The following BPIFB4 variants were observed in gnomAD, a reference collection of about 807,000 sequenced individuals.
BPIFB4 encodes BPI fold-containing family B member 4.
Under a neutral mutation model 69.2 loss-of-function variants are expected in BPIFB4, and 62 were observed. The observed-to-expected ratio is 0.90, with a 90% CI of 0.73 to 1.11. The LOEUF (loss-of-function observed/expected upper bound fraction) is 1.11, where lower values mean the gene tolerates loss of function less well. Among genes scored for constraint, BPIFB4 ranks in the 50% least tolerant of loss-of-function variants. The pLI is 0.00. For synonymous variants in BPIFB4, 330 were observed against 332.7 expected (o/e 0.99, Z 0.09); for missense variants, 789 against 792.0 (o/e 1.00, Z 0.04).
At position 33,095,134 on chromosome 20, in the gene BPIFB4, TG is replaced by T; in HGVS notation, c.1382del (p.Gly461GlufsTer3). On this transcript the variant is annotated frameshift_variant, in exon 12 of 18. Coordinates refer to ENST00000375483, the MANE Select transcript of BPIFB4 (RefSeq NM_182519.3). LOFTEE classifies it high-confidence loss of function. ...CTTCCTCCACTTACCACAGCCACAC[TG>T]GGAGCCCTGATCCCCAAGGTATGTA... ...EELPPLTTAT[L>X]GALIPKVFQQ... The T allele has an allele frequency of 6.2e-7, 1 of 1,612,716 alleles. No individual in the cohort carries two copies. Among genetic ancestry groups the T allele is most frequent in the Non-Finnish European group, 8.5e-7 (1 of 1,178,676 alleles).
chr20:33,083,719 T>C lies in BPIFB4; in HGVS notation c.522T>C (p.Thr174=), dbSNP rs1279647931. ...GAVGPGGLLG[T]GGMLAADGIL... is the part of the protein sequence containing the mutation. ...TGGGCCCAGGTGGTTTGCTGGGCAC[T>C]GGAGGCATGCTGGCAGCTGATGGCA... Residue 174 remains threonine, a synonymous_variant, in exon 5 of 18, where the codon ACT becomes ACC. Transcript: ENST00000375483. 1.2e-6 allele frequency: 2 copies of C among 1,613,990 alleles called. No homozygotes were observed.
At chr20:33,094,145 T>C (rs1981691576) in intron 11 of BPIFB4, among the ~76,000 whole-genome samples, 1 of 152,270 alleles carries the variant, frequency 6.6e-6, no homozygotes. Flanking sequence ...TGTCCGTATA[T>C]AGTTAGCCCT....
intron 13 of BPIFB4, 123 bp downstream of exon 13, chr20:33,097,910 T>G (rs1568586752): frequency 3.6e-6 from 4 of 1,103,634 alleles, no homozygotes; most frequent in Non-Finnish European, 5.1e-6. Context: ...TGGGCCCAAC[T>G]TTGGGGCCAG....
intron 10 of BPIFB4, among the ~76,000 whole-genome samples, chr20:33,092,209 C>T (rs1305102781): frequency 6.6e-6 from 1 of 152,152 alleles, no homozygotes; most frequent in Non-Finnish European, 1.5e-5. Context: ...CACTGCAGGG[C>T]TGAGTTTGGA....
At position 33,084,829 on chromosome 20, in the gene BPIFB4, C is replaced by T. The variant is rs1467382601; in HGVS notation, c.678-63C>T. ...CAGAGAAAGGGGGTGTAGGGGAGGG[C>T]GCTCGGGTGAGTGGGTGGTAGTTGG... On this transcript the variant is annotated intron_variant, in intron 5 of 17. Coordinates refer to ENST00000375483, the MANE Select transcript of BPIFB4 (RefSeq NM_182519.3). 1.6e-5 allele frequency: 25 copies of T among 1,558,386 alleles called. No homozygotes were observed. In the South Asian group the frequency reaches 1.6e-4, roughly 10 times the overall value.
intron 7 of BPIFB4, among the ~76,000 whole-genome samples, chr20:33,087,610 CA>C (rs969150298): frequency 1.3e-5 from 2 of 152,070 alleles, no homozygotes; most frequent in Non-Finnish European, 2.9e-5. Flanking sequence ...TAACCTTTTA[CA>C]TATGTCATTT....
At chr20:33,100,665 G>C (rs1178830167) in intron 14 of BPIFB4, among the ~76,000 whole-genome samples, 172 bp downstream of exon 14, 2 of 152,212 alleles carry the variant, frequency 1.3e-5, no homozygotes, top group African/African-American at 4.8e-5. Flanking sequence ...AGCCAGGCAA[G>C]GTGGGTGAAG....
At position 33,111,644 on chromosome 20, in the gene BPIFB4, GCCTGCCAGGA is replaced by G; in HGVS notation, c.*208_*217del. On this transcript the variant is annotated 3_prime_UTR_variant, in exon 18 of 18. Transcript: ENST00000375483. ...TGGCAAACATTCCCTTCCATGGTCA[GCCTGCCAGGA>G]GGAGGGGAGTCACCTTGGGGCTGGA... 3.3e-6 allele frequency: 2 copies of G among 615,124 alleles called. No individual in the cohort carries two copies. Among genetic ancestry groups the G allele is most frequent in the Non-Finnish European group, 5.6e-6 (2 of 355,608 alleles). The allele number at this position is 615,124 out of a possible 1,614,324, so 38.1% of individuals were successfully genotyped here. A position where few individuals can be genotyped will look rare whatever the true frequency, so the allele number is the denominator to read the frequency against.
chr20:33,105,414 G>T (rs1002507312), intron 16 of BPIFB4, among the ~76,000 whole-genome samples: 10 of 152,110 alleles, frequency 6.6e-5, no homozygotes, highest in South Asian at 6.2e-4. Flanking sequence ...CCCAGAATCT[G>T]CCCCCCTAGG....
rs746800290 is a variant in BPIFB4, at chr20:33,102,951, G to A, written c.1638-21G>A. The A allele has an allele frequency of 8.1e-6, 13 of 1,613,524 alleles. No individual in the cohort carries two copies. The South Asian group carries it at 1.2e-4, about 15-fold the overall frequency. ...TTTCAGGCAATCCCTGCTTCTCACA[G>A]GCTGTTTTCTTCGTCTACAGGACCA... On this transcript the variant is annotated intron_variant, in intron 14 of 17. Coordinates refer to ENST00000375483, the MANE Select transcript of BPIFB4 (RefSeq NM_182519.3).
intron 7 of BPIFB4, 137 bp downstream of exon 7, chr20:33,086,301 T>C (rs1981428549): frequency 4.3e-6 from 5 of 1,173,152 alleles, no homozygotes; most frequent in South Asian, 3.2e-5. Context: ...TGAGTACTCA[T>C]GCTGAGCCAG....
chr20:33,086,117 G>C lies in BPIFB4; in HGVS notation c.879G>C (p.Glu293Asp). 6.2e-7 allele frequency: 1 copy of C among 1,613,462 alleles called. No homozygotes were observed. Among genetic ancestry groups the C allele is most frequent in the South Asian group, 1.1e-5 (1 of 91,072 alleles). The change falls in exon 7 of 18, where the codon GAG (glutamate) becomes GAC (aspartate). Residue 293 changes from glutamate to aspartate, a missense_variant. Transcript: ENST00000375483. ...DRTGYPRLVIERCDTLLGGIK... is the reference protein window; with the variant it reads ...DRTGYPRLVIDRCDTLLGGIK... ...CGGGTTATCCTCGGCTGGTCATTGA[G>C]CGATGTGACACCCTCCTAGGGGGCA...
In BPIFB4 at chr20:33,097,633, C is replaced by T. The variant is rs141475298; in HGVS notation, c.1415C>T (p.Pro472Leu). 1.4e-4 allele frequency: 219 copies of T among 1,614,072 alleles called. 1 individual carries two copies. The African/African-American group carries it at 2.5e-3, about 18-fold the overall frequency. Residue 472 changes from proline to leucine, a missense_variant, in exon 13 of 18, where the codon CCC (proline) becomes CTC (leucine). By Grantham distance (98) the Pro-to-Leu change is moderately conservative. This residue lies in a region of BPIFB4 where 170 missense variants were observed against 193.6 expected (regional missense o/e 0.88). Coordinates refer to ENST00000375483, the MANE Select transcript of BPIFB4 (RefSeq NM_182519.3). ...TGCCCACAGGTGTTCCAGCAGTACC[C>T]CGAGTCCTGCCCACTTATCATCAGG... ...ALIPKVFQQY[P>L]ESCPLIIRIQ...
chr20:33,085,953 TG>T, intron 6 of BPIFB4, 67 bp from the exon 7 acceptor site: 1 of 1,528,908 alleles, frequency 6.5e-7, no homozygotes, highest in Non-Finnish European at 9.0e-7. Context: ...AGGACAGGCC[TG>T]GGTAAGGGTG....
intron 17 of BPIFB4, among the ~76,000 whole-genome samples, chr20:33,108,415 A>G (rs1390880123): frequency 1.4e-5 from 2 of 141,964 alleles, no homozygotes; most frequent in African/African-American, 5.3e-5. Flanking sequence ...GCATCCATAT[A>G]TATATGTCTA....
chr20:33,080,141 G>A (rs1296919736), intron 1 of BPIFB4, among the ~76,000 whole-genome samples: 1 of 152,176 alleles, frequency 6.6e-6, no homozygotes. Context: ...TAGTGTAAAT[G>A]AATGCCTCTA....
chr20:33,096,348 T>C (rs1981753132), intron 12 of BPIFB4, among the ~76,000 whole-genome samples: 1 of 152,216 alleles, frequency 6.6e-6, no homozygotes, highest in Non-Finnish European at 1.5e-5. Flanking sequence ...CAATCTCAGC[T>C]CACTGCAAAC....
chr20:33,099,144 C>T (rs1981837490), intron 13 of BPIFB4, among the ~76,000 whole-genome samples: 1 of 152,118 alleles, frequency 6.6e-6, no homozygotes, highest in South Asian at 2.1e-4. Context: ...ATGATTAAGG[C>T]TTCAGGCTTT....
At chr20:33,089,858 G>T (rs537695332) in intron 9 of BPIFB4, among the ~76,000 whole-genome samples, 5 of 152,324 alleles carry the variant, frequency 3.3e-5, no homozygotes, top group Non-Finnish European at 5.9e-5. Flanking sequence ...CAGGAAGCTG[G>T]GTTTGAGCCC....
Sources: gnomAD v4.1 joint callset for allele counts (sites outside exome capture counted in the v4.1 genomes callset) on GRCh38, gnomAD v4.1.1 for gene constraint, gnomAD v4.1.1 regional missense constraint, MANE v1.5 for transcripts, NCBI Gene and HGNC (gene_info 2026-07-23, HGNC 2026-07-21) for gene names.